LRCOL1: variants seen among roughly 807,000 people sequenced by gnomAD.
LRCOL1 encodes the protein leucine rich colipase like 1.
In LRCOL1, 21 loss-of-function variants were observed where a neutral mutation model predicts 21.6. That is an observed-to-expected ratio of 0.97 (90% CI 0.69 to 1.40). The LOEUF is 1.40. Among genes scored for constraint, LRCOL1 ranks in the 40% most tolerant of loss-of-function variants. The probability of loss-of-function intolerance (pLI) is 0.00; values close to 1 mark genes in which losing one functional copy is unlikely to be tolerated. For synonymous variants in LRCOL1, 98 were observed against 90.1 expected, an observed-to-expected ratio of 1.09 and a Z score of -0.49; for missense variants, 198 against 202.3, an observed-to-expected ratio of 0.98 and a Z score of 0.13.
In LRCOL1 at chr12:132,606,550, C is replaced by T. The variant is rs944325789; in HGVS notation, c.-13-286G>A. Among the ~76,000 whole-genome samples the T allele has an allele frequency of 6.6e-6, 1 of 152,206 alleles. No homozygotes were observed. The highest frequency in any genetic ancestry group is 2.4e-5 in the African/African-American group (1 of 41,446). On this transcript the variant is annotated intron_variant, in intron 1 of 5. Transcript: ENST00000376608. This position sits in a 1 kb window ranked among gnomAD's most constrained non-coding sequence, Gnocchi z 4.6. Reference sequence around the variant, plus strand: ...CATCTGTCCACCATTGATAGACCCACAGGGACGTGCCATCATCACCCGGAG... The same window carrying T: ...CATCTGTCCACCATTGATAGACCCATAGGGACGTGCCATCATCACCCGGAG...
chr12:132,603,548 G>T (rs989824600), intron 5 of LRCOL1, 144 bp from the exon 6 acceptor site: 3 of 1,492,850 alleles, frequency 2.0e-6, no homozygotes, highest in African/African-American at 2.8e-5. Context: ...CGACGCCCAC[G>T]CTCAGCTCGC....
intron 3 of LRCOL1, 45 bp downstream of exon 3, chr12:132,604,661 A>G (rs760079705): frequency 1.8e-4 from 271 of 1,527,652 alleles, no homozygotes; most frequent in Non-Finnish European, 2.3e-4. Context: ...GGAGGGGGCC[A>G]CAGGCAGTCT....
chr12:132,603,606 C>T (rs891149082), intron 5 of LRCOL1: 13 of 984,084 alleles, frequency 1.3e-5, no homozygotes, highest in Non-Finnish European at 1.3e-5. Flanking sequence ...CTGCTCCCAG[C>T]GCCCACGAGG....
chr12:132,604,126 A>G (rs2138299773), intron 5 of LRCOL1, 128 bp downstream of exon 5: 1 of 1,437,466 alleles, frequency 7.0e-7, no homozygotes, highest in South Asian at 1.5e-5. Context: ...CTCTCCCAGC[A>G]GGGGTGCCTG....
intron 5 of LRCOL1, chr12:132,603,999 A>T: frequency 7.5e-7 from 1 of 1,338,432 alleles, no homozygotes; most frequent in Non-Finnish European, 9.6e-7. Context: ...GCGGCTCCGC[A>T]GGCTCTGACG....
intron 5 of LRCOL1, 43 bp from the exon 6 acceptor site, chr12:132,603,447 C>T (rs1308898960): frequency 2.0e-6 from 3 of 1,535,970 alleles, no homozygotes; most frequent in Non-Finnish European, 2.6e-6. Flanking sequence ...AGGGGACGGG[C>T]CTCGAAGCGG....
In LRCOL1 at chr12:132,608,799, C is replaced by CTAAATTTCT. The variant is rs751477578; in HGVS notation, c.-14+1523_-14+1524insAGAAATTTA. Among the ~76,000 whole-genome samples, 223 of 152,344 alleles carry CTAAATTTCT rather than the reference C, an allele frequency of 1.5e-3. 2 individuals are homozygous for CTAAATTTCT. The highest frequency in any genetic ancestry group is 2.6e-3 in the Non-Finnish European group (179 of 68,026). ...TCACAACTAGAACTTTTCTAAATTT[C>CTAAATTTCT]AAGCTTGCAGTATCTTTCCTGTACT... is the stretch of plus-strand genomic sequence containing the variant. On this transcript the variant is annotated intron_variant, in intron 1 of 5. Coordinates refer to ENST00000376608, the MANE Select transcript of LRCOL1 (RefSeq NM_001195520.2).
chr12:132,604,195 C>G, intron 5 of LRCOL1, 59 bp downstream of exon 5: 4 of 1,485,292 alleles, frequency 2.7e-6, no homozygotes, highest in Non-Finnish European at 3.6e-6. Context: ...TGTTTCTGTG[C>G]GACTTCCCTG....
intron 1 of LRCOL1, among the ~76,000 whole-genome samples, chr12:132,609,619 C>A (rs547800505): frequency 2.4e-4 from 36 of 152,218 alleles, no homozygotes; most frequent in Middle Eastern, 6.8e-3. Context: ...ATCGCTTGAA[C>A]CCTGGAGGCA....
chr12:132,604,858 A>C, intron 2 of LRCOL1, 27 bp from the exon 3 acceptor site: 1 of 1,534,382 alleles, frequency 6.5e-7, no homozygotes, highest in Non-Finnish European at 8.7e-7. Context: ...CAGCTCGCTC[A>C]CCTGTTCCTG....
chr12:132,603,321 G>A lies in LRCOL1; in HGVS notation c.*81C>T. The A allele has an allele frequency of 6.6e-7, 1 of 1,524,920 alleles. No individual in the cohort carries two copies. The highest frequency in any genetic ancestry group is 1.4e-5 in the African/African-American group (1 of 72,872). The allele number at this position is 1,524,920 out of a possible 1,614,324, so 94.5% of individuals were successfully genotyped here. On this transcript the variant is annotated 3_prime_UTR_variant, in exon 6 of 6. Coordinates refer to ENST00000376608, the MANE Select transcript of LRCOL1 (RefSeq NM_001195520.2). Reference sequence around the variant, plus strand: ...CAAACCGTAAGGGAAGCTTCCGCTGGAACCAGCCCCCGCGCAACGCGGTCC... The same window carrying A: ...CAAACCGTAAGGGAAGCTTCCGCTGAAACCAGCCCCCGCGCAACGCGGTCC...
chr12:132,604,044 G>C (rs2041265198), intron 5 of LRCOL1: 2 of 1,395,214 alleles, frequency 1.4e-6, no homozygotes, highest in Non-Finnish European at 1.9e-6. Context: ...TGCGGGGCCT[G>C]GTGGGCTCAG....
intron 1 of LRCOL1, among the ~76,000 whole-genome samples, chr12:132,609,391 G>A (rs1199195426): frequency 6.6e-6 from 1 of 152,224 alleles, no homozygotes; most frequent in East Asian, 1.9e-4. Flanking sequence ...CCACTGACCT[G>A]TGCACTTAAA....
At chr12:132,609,754 G>C (rs1412215932) in intron 1 of LRCOL1, among the ~76,000 whole-genome samples, 1 of 152,166 alleles carries the variant, frequency 6.6e-6, no homozygotes, top group Non-Finnish European at 1.5e-5. Context: ...CACAATAAAA[G>C]CAAAGGTCAC....
At chr12:132,605,187 G>A (rs2041289188) in intron 2 of LRCOL1, 13 of 958,134 alleles carry the variant, frequency 1.4e-5, no homozygotes, top group Non-Finnish European at 1.6e-5. Flanking sequence ...GCCCAGGATT[G>A]CACAGCTGGC....
Position 132,606,291 on chromosome 12 carries a change from G to C in LRCOL1, c.-13-27C>G. Reference sequence around the variant, plus strand: ...TGCAGAGACCCAGGATTGTGTGGGAGTGTGTCCACGCCAGCCTTGTCCTGC... The same window carrying C: ...TGCAGAGACCCAGGATTGTGTGGGACTGTGTCCACGCCAGCCTTGTCCTGC... On this transcript the variant is annotated intron_variant, in intron 1 of 5. Coordinates refer to ENST00000376608, the MANE Select transcript of LRCOL1 (RefSeq NM_001195520.2). The surrounding 1 kb of genome is among the most constrained non-coding windows in gnomAD (Gnocchi z 4.6). The C allele has an allele frequency of 6.5e-7, 1 of 1,530,114 alleles. No homozygotes were observed. Among genetic ancestry groups the C allele is most frequent in the East Asian group, 2.4e-5 (1 of 40,848 alleles). The allele number at this position is 1,530,114 out of a possible 1,614,324, so 94.8% of individuals were successfully genotyped here.
intron 2 of LRCOL1, among the ~76,000 whole-genome samples, chr12:132,605,326 C>T (rs2041292279): frequency 6.6e-6 from 1 of 152,168 alleles, no homozygotes; most frequent in Non-Finnish European, 1.5e-5. Context: ...GTGGATGAGG[C>T]TATGTCTATT....
chr12:132,607,997 C>T (rs554122942), intron 1 of LRCOL1, among the ~76,000 whole-genome samples: 2 of 132,654 alleles, frequency 1.5e-5, no homozygotes, highest in Admixed American at 1.7e-4. Flanking sequence ...CTGTCTCTCT[C>T]TGTCTCTGTC....
At chr12:132,608,031 G>A (rs1306781704) in intron 1 of LRCOL1, among the ~76,000 whole-genome samples, 1 of 144,486 alleles carries the variant, frequency 6.9e-6, no homozygotes, top group Non-Finnish European at 1.5e-5. Context: ...GTCTCTCTCT[G>A]TCTCTGTCTC....
Sources: gnomAD v4.1 joint callset for allele counts (sites outside exome capture counted in the v4.1 genomes callset) on GRCh38, gnomAD v4.1.1 for gene constraint, Gnocchi (gnomAD v3.1) non-coding constraint, MANE v1.5 for transcripts, NCBI Gene and HGNC (gene_info 2026-07-23, HGNC 2026-07-21) for gene names.